NTM: variants seen among roughly 807,000 people sequenced by gnomAD.
NTM encodes the protein neurotrimin, also known as IgLON family member 2.
NTM carries 13 observed loss-of-function variants against 42.1 expected under a neutral mutation model. The ratio of observed to expected loss-of-function variants is 0.31; its 90% CI spans 0.20 to 0.49. The LOEUF (loss-of-function observed/expected upper bound fraction) is 0.49. Ranked by LOEUF, NTM falls within the 20% of genes least tolerant of loss-of-function variation. The pLI is 0.99. For synonymous variants in NTM, 187 were observed against 179.2 expected (o/e 1.04, Z -0.35); for missense variants, 373 against 452.8 (o/e 0.82, Z 1.60).
At chr11:131,463,609 C>A (rs1346529026) in intron 1 of NTM, among the ~76,000 whole-genome samples, 1 of 152,206 alleles carries the variant, frequency 6.6e-6, no homozygotes, top group African/African-American at 2.4e-5. Context: ...ATACATTTAT[C>A]AAAAATAAAT....
chr11:132,022,092 T>C (rs1051550830), intron 2 of NTM, among the ~76,000 whole-genome samples: 3 of 152,190 alleles, frequency 2.0e-5, no homozygotes, highest in Admixed American at 1.3e-4. Flanking sequence ...TAAGTGAGCC[T>C]CTGAACCAGG....
chr11:131,810,532 G>A (rs773903593), intron 1 of NTM, among the ~76,000 whole-genome samples: 1 of 152,216 alleles, frequency 6.6e-6, no homozygotes, highest in African/African-American at 2.4e-5. Flanking sequence ...GAATGAGCAC[G>A]AGCGGCAGGT....
intron 1 of NTM, among the ~76,000 whole-genome samples, chr11:131,645,158 C>A (rs2065619437): frequency 1.3e-5 from 2 of 152,142 alleles, no homozygotes; most frequent in Admixed American, 1.3e-4. Context: ...TATTATTAAC[C>A]ATTTCATAGC....
chr11:131,544,640 G>A (rs2053688636), intron 1 of NTM, among the ~76,000 whole-genome samples: 1 of 152,154 alleles, frequency 6.6e-6, no homozygotes, highest in South Asian at 2.1e-4. Context: ...TCTTCTCTGA[G>A]TTCCAGGGGT....
At chr11:131,997,536 AG>A (rs2068297596) in intron 2 of NTM, among the ~76,000 whole-genome samples, 1 of 152,202 alleles carries the variant, frequency 6.6e-6, no homozygotes, top group African/African-American at 2.4e-5. Context: ...GTGGGTTTGC[AG>A]GCATAGCACA....
intron 2 of NTM, among the ~76,000 whole-genome samples, chr11:131,956,069 C>T (rs1340574868): frequency 2.0e-5 from 3 of 152,142 alleles, no homozygotes; most frequent in Non-Finnish European, 2.9e-5. Flanking sequence ...TGTCTGCTAC[C>T]CGGTGTCAGG....
intron 3 of NTM, among the ~76,000 whole-genome samples, chr11:132,208,802 A>G (rs993400071): frequency 4.6e-5 from 7 of 152,216 alleles, no homozygotes; most frequent in African/African-American, 1.4e-4. Context: ...CTGTGTTCAC[A>G]AAGTCCATCA....
intron 1 of NTM, among the ~76,000 whole-genome samples, chr11:131,796,807 C>A (rs759376020): frequency 6.6e-6 from 1 of 152,190 alleles, no homozygotes; most frequent in Non-Finnish European, 1.5e-5. Context: ...GCACCAATGA[C>A]GGCAATGCCT....
chr11:132,147,935 C>G (rs1046632641), intron 3 of NTM, among the ~76,000 whole-genome samples: 1 of 152,100 alleles, frequency 6.6e-6, no homozygotes, highest in Non-Finnish European at 1.5e-5. Flanking sequence ...GAACTTGGGT[C>G]GTGATCAGCA....
intron 2 of NTM, among the ~76,000 whole-genome samples, chr11:132,142,736 G>C (rs1263252086): frequency 6.6e-6 from 1 of 152,126 alleles, no homozygotes; most frequent in African/African-American, 2.4e-5. Context: ...CTGGAACTGT[G>C]CCAACTCCTC....
At chr11:131,970,411 G>C (rs1187410817) in intron 2 of NTM, among the ~76,000 whole-genome samples, 1 of 152,186 alleles carries the variant, frequency 6.6e-6, no homozygotes, top group African/African-American at 2.4e-5. Flanking sequence ...GTACTGAGCT[G>C]TCATTCATTT....
At chr11:131,616,776 GGGGTGTGTGTGTGT>G (rs1421113828) in intron 1 of NTM, among the ~76,000 whole-genome samples, 9 of 143,174 alleles carry the variant, frequency 6.3e-5, no homozygotes, top group African/African-American at 1.0e-4. Context: ...CTGTCTTGAG[GGGGTGTGTGTGTGT>G]GTGTGTGTGT....
intron 4 of NTM, among the ~76,000 whole-genome samples, chr11:132,250,949 T>A (rs1221036389): frequency 2.6e-5 from 4 of 152,062 alleles, no homozygotes. Flanking sequence ...AGGCTCATTG[T>A]ATTTTTTTAC....
chr11:132,069,777 A>G (rs2057193355), intron 2 of NTM, among the ~76,000 whole-genome samples: 1 of 150,524 alleles, frequency 6.6e-6, no homozygotes, highest in African/African-American at 2.5e-5. Flanking sequence ...CGTCAAACTG[A>G]CGATCACAGG....
intron 4 of NTM, among the ~76,000 whole-genome samples, chr11:132,294,288 G>GCCTTCCCCTCC (rs2094543993): frequency 6.6e-6 from 1 of 151,736 alleles, no homozygotes; most frequent in South Asian, 2.1e-4. Context: ...CACTCCCCTC[G>GCCTTCCCCTCC]CCTTCCCCTC....
chr11:131,481,533 A>T (rs1215550629), intron 1 of NTM, among the ~76,000 whole-genome samples: 3 of 152,228 alleles, frequency 2.0e-5, no homozygotes, highest in Non-Finnish European at 4.4e-5. Flanking sequence ...GCAATGGCAA[A>T]CATGAGCCGT....
chr11:131,640,071 C>T (rs907673229), intron 1 of NTM, among the ~76,000 whole-genome samples: 25 of 152,178 alleles, frequency 1.6e-4, no homozygotes, highest in Non-Finnish European at 3.1e-4. Flanking sequence ...GCGTCCATCC[C>T]GGAGGAGGAT....
intron 3 of NTM, among the ~76,000 whole-genome samples, chr11:132,199,986 T>G (rs1421521805): frequency 6.6e-6 from 1 of 152,170 alleles, no homozygotes; most frequent in Non-Finnish European, 1.5e-5. Context: ...CCAACTGCAC[T>G]GCCTCACTCG....
rs560041386 is a variant in NTM at position 132,154,265 on chromosome 11, T to C, written c.400+7751T>C. Among the ~76,000 whole-genome samples, 13 of 152,298 alleles carry C rather than the reference T, an allele frequency of 8.5e-5. No homozygotes were observed. In the South Asian group the frequency reaches 2.5e-3, roughly 29 times the overall value. On this transcript the variant is annotated intron_variant, in intron 3 of 8. Transcript: ENST00000683400. ...AGTGCACATTAGATTGTTTTGACAA[T>C]GGACAAATACTCAAAAGATTATCAG...
Sources: allele counts gnomAD v4.1 joint callset (sites outside exome capture counted in the v4.1 genomes callset), GRCh38; gene constraint gnomAD v4.1.1; transcripts MANE v1.5; gene names NCBI Gene and HGNC (gene_info 2026-07-23, HGNC 2026-07-21).